SKIL: variants seen among roughly 807,000 people sequenced by gnomAD.
SKIL encodes the protein ski-like protein.
In SKIL, 20 loss-of-function variants were observed where a neutral mutation model predicts 69.6. The ratio of observed to expected loss-of-function variants is 0.29; its 90% CI spans 0.20 to 0.42. The LOEUF (loss-of-function observed/expected upper bound fraction) is 0.42. SKIL is among the 10% of genes least tolerant of loss of function. The probability of loss-of-function intolerance (pLI) is 1.00; values close to 1 mark genes in which losing one functional copy is unlikely to be tolerated. For missense variants in SKIL, 745 were observed against 783.1 expected, an observed-to-expected ratio of 0.95 and a Z score of 0.58; for synonymous variants, 310 against 279.9, an observed-to-expected ratio of 1.11 and a Z score of -1.08.
Position 170,390,437 on chromosome 3 carries a change from T to A in SKIL, c.1644T>A (p.Ile548=), listed in dbSNP as rs1737857714. The stretch of plus-strand genomic sequence containing the variant: ...AACAACAGGAAAAACTAAACTTGAT[T>A]TTGCAAAAGAAGCAACAACTTCAGA... ...YLKQQEKLNL[I]LQKKQQLQME... is the part of the protein sequence containing the mutation. Residue 548 remains isoleucine (I), a synonymous_variant, in exon 5 of 7, where the codon ATT becomes ATA. Coordinates refer to ENST00000259119, the MANE Select transcript of SKIL (RefSeq NM_005414.5). 1.9e-6 allele frequency: 3 copies of A among 1,611,898 alleles called. No individual in the cohort carries two copies. Among genetic ancestry groups the A allele is most frequent in the Non-Finnish European group, 2.5e-6 (3 of 1,178,326 alleles).
rs35595653 is a variant in SKIL at position 170,370,421 on chromosome 3, CAG to C, written c.1098+9009_1098+9010del. Among the ~76,000 whole-genome samples, 93 of 53,502 alleles carry C rather than the reference CAG, an allele frequency of 1.7e-3. 1 individual carries two copies. Among genetic ancestry groups the C allele is most frequent in the South Asian group, 3.2e-3 (4 of 1,250 alleles). The allele number at this position is 53,502 out of a possible 152,430, so 35.1% of individuals were successfully genotyped here. Reference sequence around the variant, plus strand: ...ATATATACATATATATGTATATATACAGAGAGAGAGAGAGAGAGCCCCCCCCC... The same window carrying C: ...ATATATACATATATATGTATATATACAGAGAGAGAGAGAGAGCCCCCCCCC... On this transcript the variant is annotated intron_variant, in intron 2 of 6. Coordinates refer to ENST00000259119, the MANE Select transcript of SKIL (RefSeq NM_005414.5).
intron 3 of SKIL, among the ~76,000 whole-genome samples, chr3:170,384,289 C>G (rs1296308578): frequency 6.6e-6 from 1 of 152,116 alleles, no homozygotes; most frequent in Non-Finnish European, 1.5e-5. Flanking sequence ...GATCATACCA[C>G]TACGCTCCAG....
At chr3:170,364,988 A>T (rs1261994822) in intron 2 of SKIL, among the ~76,000 whole-genome samples, 2 of 152,208 alleles carry the variant, frequency 1.3e-5, no homozygotes, top group African/African-American at 4.8e-5. Flanking sequence ...GAGAAATTTA[A>T]AGGAATTTAA....
chr3:170,369,292 C>A (rs1349354151), intron 2 of SKIL, among the ~76,000 whole-genome samples: 2 of 151,974 alleles, frequency 1.3e-5, no homozygotes, highest in Non-Finnish European at 2.9e-5. Flanking sequence ...AAAGAGATGG[C>A]CGTGTTTTCA....
At chr3:170,371,212 A>G (rs1478073282) in intron 2 of SKIL, among the ~76,000 whole-genome samples, 2 of 152,196 alleles carry the variant, frequency 1.3e-5, no homozygotes, top group Non-Finnish European at 2.9e-5. Flanking sequence ...TTAATAAAGG[A>G]GTAGTAGGCC....
In SKIL at chr3:170,378,583, G is replaced by A. The variant is rs144467084; in HGVS notation, c.1099-2661G>A. ...TTTTTTTTTTTGGAGACAAAGTCTT[G>A]CTCTGTCACCCAGGTTGGAGTGCAG... On this transcript the variant is annotated intron_variant, in intron 2 of 6. Coordinates refer to ENST00000259119, the MANE Select transcript of SKIL (RefSeq NM_005414.5). Among the ~76,000 whole-genome samples, 677 of 79,578 alleles carry A rather than the reference G, an allele frequency of 8.5e-3. 2 individuals carry two copies. The highest frequency in any genetic ancestry group is 0.027 in the African/African-American group (650 of 24,158). The allele number at this position is 79,578 out of a possible 152,430, so 52.2% of individuals were successfully genotyped here.
rs1736194379 is a variant in SKIL at position 170,360,916 on chromosome 3, A to G, written c.585A>G (p.Ser195=). 1 of 1,614,206 alleles carries G rather than the reference A, an allele frequency of 6.2e-7. No homozygotes were observed. Among genetic ancestry groups the G allele is most frequent in the South Asian group, 1.1e-5 (1 of 91,088 alleles). Reference sequence around the variant, plus strand: ...GTGATGAACTGTACATATATTGTTCAAGGTGTACTTCAGACCAGCTTCATA... The same window carrying G: ...GTGATGAACTGTACATATATTGTTCGAGGTGTACTTCAGACCAGCTTCATA... ...TVCDELYIYC[S]RCTSDQLHIL... is the part of the protein sequence containing the mutation. The change falls in exon 2 of 7, where the codon TCA becomes TCG. Residue 195 remains serine, a synonymous_variant. Transcript: ENST00000259119.
At chr3:170,390,170 T>G in intron 4 of SKIL, 53 bp from the exon 5 acceptor site, 3 of 1,344,390 alleles carry the variant, frequency 2.2e-6, no homozygotes, top group Non-Finnish European at 3.1e-6. Context: ...TTCTAGTGAT[T>G]TTTTTAATGG....
Position 170,390,373 on chromosome 3 carries a change from A to C in SKIL, c.1580A>C (p.Lys527Thr). 1 of 1,614,038 alleles carries C rather than the reference A, an allele frequency of 6.2e-7. No individual in the cohort carries two copies. The highest frequency in any genetic ancestry group is 8.5e-7 in the Non-Finnish European group (1 of 1,179,874). The change falls in exon 5 of 7, where the codon AAG becomes ACG. Residue 527 changes from lysine to threonine, a missense_variant. By Grantham distance (78) the Lys-to-Thr change is moderately conservative (BLOSUM62 -1). Coordinates refer to ENST00000259119, the MANE Select transcript of SKIL (RefSeq NM_005414.5). The part of the protein sequence containing the change: ...LVKDVICEDD[K>T]GKIMEEVMRT... ...AAAGATGTCATTTGTGAGGATGATA[A>C]GGGAAAAATCATGGAAGAAGTAATG...
At chr3:170,385,037 CT>C in intron 4 of SKIL, 1 of 235,482 alleles carries the variant, frequency 4.2e-6, no homozygotes, top group Non-Finnish European at 8.3e-6. Context: ...CCTTTCCTAC[CT>C]TTTATTTGCT....
chr3:170,377,542 CTTTTTTTTTTTT>C lies in SKIL; in HGVS notation c.1099-3689_1099-3678del, dbSNP rs749615295. On this transcript the variant is annotated intron_variant, in intron 2 of 6. Transcript: ENST00000259119. ...ATTTCAAATTCATTGCTCAATAATT[CTTTTTTTTTTTT>C]TTTTTTTTTTTTGAGACAGAGTCTC... Among the ~76,000 whole-genome samples, 6 of 77,332 alleles carry C rather than the reference CTTTTTTTTTTTT, an allele frequency of 7.8e-5. 1 individual carries two copies. Among genetic ancestry groups the C allele is most frequent in the South Asian group, 5.3e-4 (1 of 1,896 alleles). The allele number at this position is 77,332 out of a possible 152,430, so 50.7% of individuals were successfully genotyped here.
chr3:170,396,230 T>C lies in SKIL; in HGVS notation c.*3813T>C, dbSNP rs995724632. On this transcript the variant is annotated 3_prime_UTR_variant, in exon 7 of 7. Coordinates refer to ENST00000259119, the MANE Select transcript of SKIL (RefSeq NM_005414.5). ...GTAAAAGGAATTTATAAGATTTTTTTCCTCAATATAGATACCTCACTTGAA... is the reference window on the plus strand; with the variant it reads ...GTAAAAGGAATTTATAAGATTTTTTCCCTCAATATAGATACCTCACTTGAA... The C allele has an allele frequency of 1.1e-4, 17 of 152,088 alleles. No individual in the cohort carries two copies. Among genetic ancestry groups the C allele is most frequent in the East Asian group, 1.9e-4 (1 of 5,202 alleles). 9.4% of individuals were successfully genotyped at this position (152,088 alleles called of 1,614,324 possible). A position where few individuals can be genotyped will look rare whatever the true frequency, so the allele number is the denominator to read the frequency against.
In SKIL at chr3:170,392,288, T is replaced by A; in HGVS notation, c.1926T>A (p.His642Gln). 1 of 1,612,920 alleles carries A rather than the reference T, an allele frequency of 6.2e-7. No individual in the cohort carries two copies. Among genetic ancestry groups the A allele is most frequent in the Non-Finnish European group, 8.5e-7 (1 of 1,179,360 alleles). Reference sequence around the variant, plus strand: ...CAGAACTGAGGCAGAGATTGGACCATGCTGAGGCCGATAGGCAAGAACTCC... The same window carrying A: ...CAGAACTGAGGCAGAGATTGGACCAAGCTGAGGCCGATAGGCAAGAACTCC... ...QLAELRQRLD[H>Q]AEADRQELQD... The change falls in exon 7 of 7, where the codon CAT (histidine) becomes CAA (glutamine). Residue 642 changes from histidine (H) to glutamine (Q), a missense_variant. By Grantham distance (24) the His-to-Gln change is conservative (BLOSUM62 0). Transcript: ENST00000259119.
chr3:170,379,889 C>T (rs1179742877), intron 2 of SKIL, among the ~76,000 whole-genome samples: 1 of 152,090 alleles, frequency 6.6e-6, no homozygotes, highest in Non-Finnish European at 1.5e-5. Flanking sequence ...GGTGATCCAC[C>T]CACCTCGGCC....
intron 2 of SKIL, among the ~76,000 whole-genome samples, chr3:170,363,767 G>C (rs1033623347): frequency 2.0e-5 from 3 of 152,202 alleles, no homozygotes; most frequent in Non-Finnish European, 4.4e-5. Flanking sequence ...TTACAGGTGT[G>C]AGCCACTGCT....
At chr3:170,388,864 T>G (rs558144821) in intron 4 of SKIL, among the ~76,000 whole-genome samples, 5 of 130,716 alleles carry the variant, frequency 3.8e-5, no homozygotes, top group South Asian at 2.3e-4. Context: ...ATTTATGTAT[T>G]TATTTATTTA....
At chr3:170,367,868 TATG>T (rs1736621072) in intron 2 of SKIL, among the ~76,000 whole-genome samples, 1 of 152,208 alleles carries the variant, frequency 6.6e-6, no homozygotes, top group Non-Finnish European at 1.5e-5. Flanking sequence ...ATAGATTACT[TATG>T]ATACAAACAG....
chr3:170,383,732 A>G (rs1260504679), intron 3 of SKIL, among the ~76,000 whole-genome samples: 1 of 152,174 alleles, frequency 6.6e-6, no homozygotes, highest in Admixed American at 6.6e-5. Flanking sequence ...TCTCTGAGGT[A>G]TATAAGAAGA....
chr3:170,369,464 C>T (rs1420315233), intron 2 of SKIL, among the ~76,000 whole-genome samples: 3 of 151,972 alleles, frequency 2.0e-5, no homozygotes, highest in Non-Finnish European at 2.9e-5. Context: ...TGCAATAAGG[C>T]AATCTCGGCT....
Sources: allele counts gnomAD v4.1 joint callset (sites outside exome capture counted in the v4.1 genomes callset), GRCh38; gene constraint gnomAD v4.1.1; transcripts MANE v1.5; gene names NCBI Gene and HGNC (gene_info 2026-07-23, HGNC 2026-07-21).